The following PRKCI variants were observed in gnomAD, a reference collection of about 807,000 sequenced individuals.
The protein encoded by PRKCI is protein kinase C iota.
PRKCI carries 43 observed loss-of-function variants against 84.0 expected under a neutral mutation model. The observed-to-expected ratio is 0.51, with a 90% CI of 0.40 to 0.66. The LOEUF (loss-of-function observed/expected upper bound fraction) is 0.66. Ranked by LOEUF, PRKCI falls within the 30% of genes least tolerant of loss-of-function variation. PRKCI has a pLI of 0.00. For missense variants in PRKCI, 459 were observed against 745.6 expected, an observed-to-expected ratio of 0.62 and a Z score of 4.48; for synonymous variants, 216 against 234.4, an observed-to-expected ratio of 0.92 and a Z score of 0.72.
At chr3:170,245,900 A>G (rs150678961) in intron 2 of PRKCI, among the ~76,000 whole-genome samples, 2 of 144,924 alleles carry the variant, frequency 1.4e-5, no homozygotes, top group African/African-American at 2.6e-5. Flanking sequence ...ATGACATTAT[A>G]TATCCCATAT....
chr3:170,277,988 C>T (rs1734158478), intron 8 of PRKCI, among the ~76,000 whole-genome samples: 1 of 152,180 alleles, frequency 6.6e-6, no homozygotes, highest in Non-Finnish European at 1.5e-5. Flanking sequence ...CTTTAGTGAG[C>T]ACCTAGTAGT....
At chr3:170,277,050 G>A (rs1490458970) in intron 8 of PRKCI, among the ~76,000 whole-genome samples, 1 of 150,636 alleles carries the variant, frequency 6.6e-6, no homozygotes, top group African/African-American at 2.4e-5. Flanking sequence ...AGATCAGCCT[G>A]GCTGACATAG....
chr3:170,247,750 A>C (rs1733324023), intron 2 of PRKCI, among the ~76,000 whole-genome samples: 1 of 150,850 alleles, frequency 6.6e-6, no homozygotes, highest in East Asian at 1.9e-4. Flanking sequence ...AAAAAAAAAA[A>C]AAAAAAAAAA....
At chr3:170,232,572 G>T (rs1296950996) in intron 1 of PRKCI, among the ~76,000 whole-genome samples, 6 of 144,740 alleles carry the variant, frequency 4.1e-5, no homozygotes, top group African/African-American at 1.3e-4. Context: ...AGCTGGGTGT[G>T]TTTTTTTTTT....
At chr3:170,298,871 A>G (rs904833140) in intron 16 of PRKCI, 124 bp from the exon 17 acceptor site, 1 of 654,582 alleles carries the variant, frequency 1.5e-6, no homozygotes, top group Non-Finnish European at 2.7e-6. Context: ...ATCATTGCTA[A>G]TATCATTGAA....
intron 2 of PRKCI, among the ~76,000 whole-genome samples, chr3:170,239,646 A>T (rs1370878963): frequency 1.3e-5 from 2 of 152,002 alleles, no homozygotes; most frequent in Non-Finnish European, 2.9e-5. Flanking sequence ...CTCATCATTC[A>T]GGTTTTAACT....
intron 1 of PRKCI, among the ~76,000 whole-genome samples, chr3:170,232,300 ATTGGCCTTTCAAAGTGCTGGGAT>A (rs1337309509): frequency 7.9e-5 from 12 of 152,006 alleles, no homozygotes; most frequent in African/African-American, 2.9e-4. Context: ...ATCCTCCCAC[ATTGGCCTTTCAAAGTGCTGGGAT>A]TATGGCATGA....
chr3:170,292,906 T>A (rs1001069307), intron 13 of PRKCI, among the ~76,000 whole-genome samples: 4 of 149,898 alleles, frequency 2.7e-5, no homozygotes, highest in African/African-American at 9.8e-5. Flanking sequence ...CCGGGCGTGT[T>A]CACAGGTGCC....
intron 1 of PRKCI, among the ~76,000 whole-genome samples, chr3:170,227,112 C>T (rs534798529): frequency 1.1e-4 from 16 of 152,288 alleles, no homozygotes; most frequent in Admixed American, 2.6e-4. Context: ...AAATTCTCCC[C>T]ACAGGTCCTT....
chr3:170,243,063 CATAT>C (rs1178094549), intron 2 of PRKCI, among the ~76,000 whole-genome samples: 2 of 151,914 alleles, frequency 1.3e-5, no homozygotes, highest in East Asian at 3.8e-4. Context: ...GTATAATTGA[CATAT>C]ATATGTATAC....
intron 2 of PRKCI, among the ~76,000 whole-genome samples, chr3:170,249,741 G>GAACCAAGA (rs1366163790): frequency 1.3e-5 from 2 of 150,312 alleles, no homozygotes; most frequent in African/African-American, 4.9e-5. Context: ...AGGCTGCAGT[G>GAACCAAGA]AACCAAGATC....
intron 2 of PRKCI, among the ~76,000 whole-genome samples, chr3:170,247,393 T>TA (rs1183210057): frequency 1.3e-5 from 2 of 151,752 alleles, no homozygotes; most frequent in African/African-American, 4.8e-5. Flanking sequence ...AAAATTGTTT[T>TA]AGAGGGAGGG....
chr3:170,292,769 C>T (rs528105115), intron 13 of PRKCI, among the ~76,000 whole-genome samples: 4 of 150,320 alleles, frequency 2.7e-5, no homozygotes, highest in Admixed American at 6.7e-5. Flanking sequence ...TAGCCGGGCG[C>T]GGTGGCTCAC....
chr3:170,263,666 G>A (rs1402190883), intron 4 of PRKCI, among the ~76,000 whole-genome samples: 1 of 151,932 alleles, frequency 6.6e-6, no homozygotes, highest in African/African-American at 2.4e-5. Context: ...TTAGCATGGT[G>A]TGTGCCTATA....
At chr3:170,250,915 CA>C (rs1733427615) in intron 2 of PRKCI, among the ~76,000 whole-genome samples, 1 of 152,096 alleles carries the variant, frequency 6.6e-6, no homozygotes, top group Non-Finnish European at 1.5e-5. Flanking sequence ...GTGGTTAAAT[CA>C]TGTTGACCTC....
At chr3:170,285,863 GC>G (rs2108861662) in intron 12 of PRKCI, among the ~76,000 whole-genome samples, 1 of 151,076 alleles carries the variant, frequency 6.6e-6, no homozygotes, top group South Asian at 2.1e-4. Context: ...TCCAGCCTCA[GC>G]CTTCCAAGTA....
rs1487300251 is a variant in PRKCI at position 170,263,380 on chromosome 3, G to T, written c.315G>T (p.Val105=). 6.3e-7 allele frequency: 1 copy of T among 1,599,092 alleles called. No homozygotes were observed. Among genetic ancestry groups the T allele is most frequent in the South Asian group, 1.1e-5 (1 of 90,680 alleles). The change falls in exon 4 of 18, where the codon GTG becomes GTT. Residue 105 remains valine, a splice_region_variant and synonymous_variant. Coordinates refer to ENST00000295797, the MANE Select transcript of PRKCI (RefSeq NM_002740.6). The part of the protein sequence containing the change: ...LNKDSELLIH[V]FPCVPERPGM... ...TCATGTTCGTTTATTTTCTTTCAGT[G>T]TTCCCTTGTGTACCAGAACGTCCTG...
intron 2 of PRKCI, among the ~76,000 whole-genome samples, chr3:170,239,306 G>T (rs905887475): frequency 3.9e-5 from 6 of 152,170 alleles, no homozygotes; most frequent in Admixed American, 3.9e-4. Context: ...ACTTATAAAT[G>T]TCATGACTAT....
chr3:170,259,919 C>A, intron 2 of PRKCI, 50 bp from the exon 3 acceptor site: 1 of 1,067,262 alleles, frequency 9.4e-7, no homozygotes, highest in Non-Finnish European at 1.3e-6. Flanking sequence ...TAGTAATCAT[C>A]ACATTTAGGG....
Sources: allele counts gnomAD v4.1 joint callset (sites outside exome capture counted in the v4.1 genomes callset), GRCh38; gene constraint gnomAD v4.1.1; transcripts MANE v1.5; gene names NCBI Gene and HGNC (gene_info 2026-07-23, HGNC 2026-07-21).